The following FBXL17 variants were observed in gnomAD, a reference collection of about 807,000 sequenced individuals.
FBXL17 encodes F-box and leucine rich repeat protein 17.
Under a neutral mutation model 66.2 loss-of-function variants are expected in FBXL17, and 22 were observed. That is an observed-to-expected ratio of 0.33 (90% CI 0.24 to 0.47). The LOEUF is 0.47. Among genes scored for constraint, FBXL17 ranks in the 20% least tolerant of loss-of-function variants. The probability of loss-of-function intolerance (pLI) is 1.00; values close to 1 mark genes in which losing one functional copy is unlikely to be tolerated. For synonymous variants in FBXL17, 474 were observed against 400.5 expected (o/e 1.18, Z -2.19); for missense variants, 878 against 948.2 (o/e 0.93, Z 0.97).
chr5:108,235,153 G>A (rs1012329770), intron 4 of FBXL17, among the ~76,000 whole-genome samples: 6 of 152,074 alleles, frequency 3.9e-5, no homozygotes, highest in Non-Finnish European at 5.9e-5. Flanking sequence ...TAATACTGCC[G>A]GATTATAGAG....
chr5:108,244,435 A>G (rs904610201), intron 4 of FBXL17, among the ~76,000 whole-genome samples: 2 of 152,094 alleles, frequency 1.3e-5, no homozygotes, highest in African/African-American at 4.8e-5. Flanking sequence ...TATTATCTGA[A>G]AAGTGTGAAA....
chr5:108,279,048 C>T lies in FBXL17; in HGVS notation c.1507-54820G>A, dbSNP rs1217602046. ...TTACCTGTAAGCACCACCTGCTGGC[C>T]TGGAAGCCAGCCTGCACATTTCAAC... On this transcript the variant is annotated intron_variant, in intron 4 of 8. Coordinates refer to ENST00000542267, the MANE Select transcript of FBXL17 (RefSeq NM_001163315.3). 2.6e-5 allele frequency among the ~76,000 whole-genome samples: 4 copies of T among 152,164 alleles called. No individual in the cohort carries two copies. The South Asian group carries it at 8.3e-4, about 31-fold the overall frequency.
intron 4 of FBXL17, among the ~76,000 whole-genome samples, chr5:108,250,082 G>A (rs909744380): frequency 6.6e-5 from 10 of 152,064 alleles, no homozygotes; most frequent in Non-Finnish European, 1.3e-4. Flanking sequence ...TAAAAGCCAG[G>A]AAATTTAGAT....
intron 7 of FBXL17, among the ~76,000 whole-genome samples, chr5:107,990,486 C>T (rs1017526372): frequency 6.6e-6 from 1 of 152,100 alleles, no homozygotes; most frequent in African/African-American, 2.4e-5. Flanking sequence ...ATTCTGGCTC[C>T]ATGACTTAAA....
At position 108,088,156 on chromosome 5, in the gene FBXL17, A is replaced by G. The variant is rs546869531; in HGVS notation, c.1746-67155T>C. The stretch of plus-strand genomic sequence containing the variant: ...CATTATAAACCTGGAGATCAATTGA[A>G]CAATGAAAAGATCACACCTGGGATT... On this transcript the variant is annotated intron_variant, in intron 6 of 8. Coordinates refer to ENST00000542267, the MANE Select transcript of FBXL17 (RefSeq NM_001163315.3). 7.2e-5 allele frequency among the ~76,000 whole-genome samples: 11 copies of G among 152,306 alleles called. 2 individuals carry two copies. The highest frequency in any genetic ancestry group is 2.4e-4 in the African/African-American group (10 of 41,554).
intron 6 of FBXL17, among the ~76,000 whole-genome samples, chr5:108,076,091 T>G (rs191009501): frequency 6.6e-6 from 1 of 152,234 alleles, no homozygotes; most frequent in Non-Finnish European, 1.5e-5. Context: ...CTGGGTTGTT[T>G]AGTGAGACAG....
rs144793435 is a variant in FBXL17, at chr5:108,204,692, A to G, written c.1615-18445T>C. Among the ~76,000 whole-genome samples the G allele has an allele frequency of 4.2e-3, 642 of 152,308 alleles. 6 individuals are homozygous for G. The highest frequency in any genetic ancestry group is 0.015 in the African/African-American group (612 of 41,570). ...AACATATAAAATAATATATGTTAAT[A>G]CATATTATCCTAAGCATTTTCCATG... On this transcript the variant is annotated intron_variant, in intron 5 of 8. Transcript: ENST00000542267.
At chr5:107,889,239 A>G (rs545937094) in intron 7 of FBXL17, among the ~76,000 whole-genome samples, 2 of 152,232 alleles carry the variant, frequency 1.3e-5, no homozygotes, top group South Asian at 4.1e-4. Flanking sequence ...ACAGCAAATA[A>G]TAGCTTTCTA....
intron 6 of FBXL17, among the ~76,000 whole-genome samples, chr5:108,185,782 T>C (rs1241626288): frequency 2.0e-5 from 3 of 152,138 alleles, no homozygotes; most frequent in Non-Finnish European, 4.4e-5. Flanking sequence ...GTTGCAAAAA[T>C]GTTAAAGTGA....
chr5:108,211,733 A>G (rs569698831), intron 5 of FBXL17, among the ~76,000 whole-genome samples: 4 of 152,176 alleles, frequency 2.6e-5, no homozygotes, highest in Non-Finnish European at 5.9e-5. Flanking sequence ...TGGGTAACCC[A>G]ACCTTTCTCT....
At chr5:108,022,559 A>T (rs536359337) in intron 6 of FBXL17, among the ~76,000 whole-genome samples, 2 of 152,174 alleles carry the variant, frequency 1.3e-5, no homozygotes, top group East Asian at 1.9e-4. Flanking sequence ...CCTACCAAAA[A>T]AACTAACACA....
At chr5:108,171,192 T>C (rs1361587802) in intron 6 of FBXL17, among the ~76,000 whole-genome samples, 1 of 152,240 alleles carries the variant, frequency 6.6e-6, no homozygotes, top group Non-Finnish European at 1.5e-5. Flanking sequence ...TATTTTATTG[T>C]AATATTTATT....
intron 7 of FBXL17, among the ~76,000 whole-genome samples, chr5:107,884,190 A>G (rs1293854164): frequency 6.6e-6 from 1 of 152,356 alleles, no homozygotes; most frequent in East Asian, 1.9e-4. Context: ...ACATAACTCT[A>G]AATTGTGACA....
intron 7 of FBXL17, among the ~76,000 whole-genome samples, chr5:107,990,860 TG>T (rs950731975): frequency 1.3e-5 from 2 of 152,150 alleles, no homozygotes; most frequent in African/African-American, 4.8e-5. Context: ...TCTCCGAGAC[TG>T]GTAGGATTTG....
chr5:108,241,365 A>C (rs893062090), intron 4 of FBXL17, among the ~76,000 whole-genome samples: 1 of 152,192 alleles, frequency 6.6e-6, no homozygotes, highest in Admixed American at 6.5e-5. Flanking sequence ...TGGCATACTG[A>C]AGAATGCATC....
chr5:108,169,065 G>A (rs1278945523), intron 6 of FBXL17, among the ~76,000 whole-genome samples: 1 of 152,134 alleles, frequency 6.6e-6, no homozygotes, highest in Non-Finnish European at 1.5e-5. Context: ...CTGCGTGGAT[G>A]TCTAAATGCC....
At chr5:108,332,941 CAAAAAAAAAAAAA>C (rs34218940) in intron 4 of FBXL17, among the ~76,000 whole-genome samples, 2 of 34,764 alleles carry the variant, frequency 5.8e-5, no homozygotes, top group Admixed American at 4.4e-4. Flanking sequence ...AAAGCAAAAG[CAAAAAAAAAAAAA>C]AAAAAAAAAG....
chr5:107,958,164 A>G (rs1751740042), intron 7 of FBXL17, among the ~76,000 whole-genome samples: 1 of 152,024 alleles, frequency 6.6e-6, no homozygotes, highest in South Asian at 2.1e-4. Flanking sequence ...AACATGAGTA[A>G]AAAGAAAAGG....
chr5:108,174,524 T>A (rs1051692606), intron 6 of FBXL17, among the ~76,000 whole-genome samples: 1 of 152,100 alleles, frequency 6.6e-6, no homozygotes, highest in Admixed American at 6.5e-5. Flanking sequence ...TTTCACAACT[T>A]GATGTTCTGA....
Sources: gnomAD v4.1 joint callset for allele counts (sites outside exome capture counted in the v4.1 genomes callset) on GRCh38, gnomAD v4.1.1 for gene constraint, MANE v1.5 for transcripts, NCBI Gene and HGNC (gene_info 2026-07-23, HGNC 2026-07-21) for gene names.